The following CRISPLD2 variants were observed in gnomAD, a reference collection of about 807,000 sequenced individuals.
The protein encoded by CRISPLD2 is cysteine rich secretory protein LCCL domain containing 2, also known as cysteine-rich secretory protein LCCL domain-containing 2.
Under a neutral mutation model 71.1 loss-of-function variants are expected in CRISPLD2, and 47 were observed. The ratio of observed to expected loss-of-function variants is 0.66; its 90% CI spans 0.52 to 0.84. The LOEUF (loss-of-function observed/expected upper bound fraction) is 0.84. Ranked by LOEUF, CRISPLD2 falls within the 40% of genes least tolerant of loss-of-function variation. The pLI, the probability that CRISPLD2 is intolerant of heterozygous loss-of-function variation, is 0.00. For missense variants in CRISPLD2, 830 were observed against 651.1 expected, an observed-to-expected ratio of 1.27 and a Z score of -2.99; for synonymous variants, 317 against 250.1, an observed-to-expected ratio of 1.27 and a Z score of -2.52.
chr16:84,851,301 C>T (rs1435426505), intron 5 of CRISPLD2, among the ~76,000 whole-genome samples: 2 of 152,370 alleles, frequency 1.3e-5, no homozygotes, highest in East Asian at 1.9e-4. Flanking sequence ...ATAGCATGCT[C>T]AGCTCATCAG....
At chr16:84,887,075 T>C (rs2143338227) in intron 13 of CRISPLD2, among the ~76,000 whole-genome samples, 1 of 152,276 alleles carries the variant, frequency 6.6e-6, no homozygotes, top group East Asian at 1.9e-4. Context: ...CTCCACCATG[T>C]CTTGCTCTCT....
At chr16:84,872,232 C>G (rs1049576718) in intron 8 of CRISPLD2, among the ~76,000 whole-genome samples, 2 of 152,188 alleles carry the variant, frequency 1.3e-5, no homozygotes, top group East Asian at 1.9e-4. Flanking sequence ...GAACCAATCC[C>G]CCACGGATAC....
At chr16:84,829,611 T>G (rs1916438087) in intron 1 of CRISPLD2, among the ~76,000 whole-genome samples, 2 of 152,210 alleles carry the variant, frequency 1.3e-5, no homozygotes. Flanking sequence ...ACCATGGGTC[T>G]CAGCTGAGTG....
intron 14 of CRISPLD2, among the ~76,000 whole-genome samples, chr16:84,897,180 A>G (rs2071713603): frequency 6.6e-6 from 1 of 152,036 alleles, no homozygotes; most frequent in Non-Finnish European, 1.5e-5. Context: ...GCGGCGGCTC[A>G]TGCCTGTAAT....
intron 1 of CRISPLD2, chr16:84,829,370 A>G (rs943262434): frequency 6.6e-6 from 1 of 152,192 alleles, no homozygotes; most frequent in African/African-American, 2.4e-5. Context: ...CTCTAACGGG[A>G]TGTTCTGCTC....
At chr16:84,894,508 G>T (rs1325725108) in intron 14 of CRISPLD2, among the ~76,000 whole-genome samples, 1 of 152,146 alleles carries the variant, frequency 6.6e-6, no homozygotes, top group Non-Finnish European at 1.5e-5. Flanking sequence ...AGGGACTGGG[G>T]ACACTGCCGG....
intron 14 of CRISPLD2, among the ~76,000 whole-genome samples, chr16:84,893,468 T>C (rs1277864649): frequency 1.3e-5 from 2 of 152,164 alleles, no homozygotes; most frequent in Non-Finnish European, 2.9e-5. Flanking sequence ...CTTCCAACGC[T>C]CACTCCATGC....
In CRISPLD2 at chr16:84,871,071, GATAA is replaced by G. The variant is rs200227852; in HGVS notation, c.915-1363_915-1360del. On this transcript the variant is annotated intron_variant, in intron 8 of 14. Transcript: ENST00000262424. ...GACTCTGTCTCAAAAATTAAAAAATGATAAATAAATAGTTGGGATATGCTTGCAG... is the reference window on the plus strand; with the variant it reads ...GACTCTGTCTCAAAAATTAAAAAATGATAAATAGTTGGGATATGCTTGCAG... Among the ~76,000 whole-genome samples, 866 of 152,176 alleles carry G rather than the reference GATAA, an allele frequency of 5.7e-3. 11 individuals are homozygous for G. Among genetic ancestry groups the G allele is most frequent in the African/African-American group, 0.019 (777 of 41,508 alleles).
At chr16:84,882,093 C>T (rs1400583195) in intron 13 of CRISPLD2, among the ~76,000 whole-genome samples, 1 of 151,948 alleles carries the variant, frequency 6.6e-6, no homozygotes, top group Admixed American at 6.6e-5. Context: ...GAACCAAATT[C>T]TACCATTAAG....
chr16:84,867,943 T>C (rs570717375), intron 7 of CRISPLD2, among the ~76,000 whole-genome samples: 1 of 152,362 alleles, frequency 6.6e-6, no homozygotes, highest in Non-Finnish European at 1.5e-5. Context: ...GGAACTCATT[T>C]GCAGCCGCCG....
At chr16:84,874,596 G>A (rs1401561332) in intron 11 of CRISPLD2, among the ~76,000 whole-genome samples, 1 of 152,158 alleles carries the variant, frequency 6.6e-6, no homozygotes, top group Non-Finnish European at 1.5e-5. Context: ...CTTCCTCCCC[G>A]GAGCTCTGCC....
intron 1 of CRISPLD2, among the ~76,000 whole-genome samples, chr16:84,834,701 C>G (rs1916572909): frequency 6.6e-6 from 1 of 152,144 alleles, no homozygotes; most frequent in African/African-American, 2.4e-5. Flanking sequence ...ATTTAGATTC[C>G]CACAGTTCTG....
At position 84,845,810 on chromosome 16, in the gene CRISPLD2, T is replaced by C. The variant is rs754175411; in HGVS notation, c.265T>C (p.Ser89Pro). ...GACCTGGGATGACGAACTGGAGAAG[T>C]CTGCTGCAGCGTGGGCCAGTCAGTG... is the stretch of plus-strand genomic sequence containing the variant. ...YMTWDDELEK[S>P]AAAWASQCIW... Residue 89 changes from serine to proline, a missense_variant, in exon 3 of 15, where the codon TCT becomes CCT. Physicochemically the swap from Ser to Pro is moderately conservative, Grantham distance 74. Transcript: ENST00000262424. The C allele has an allele frequency of 2.5e-6, 4 of 1,613,570 alleles. No individual in the cohort carries two copies. Among genetic ancestry groups the C allele is most frequent in the African/African-American group, 2.7e-5 (2 of 74,910 alleles).
At chr16:84,830,172 A>G (rs1916453421) in intron 1 of CRISPLD2, among the ~76,000 whole-genome samples, 1 of 152,044 alleles carries the variant, frequency 6.6e-6, no homozygotes, top group Non-Finnish European at 1.5e-5. Flanking sequence ...TAAATACAAA[A>G]TTAGCTGTGC....
In CRISPLD2 at chr16:84,908,482, G is replaced by C. The variant is rs1034985393; in HGVS notation, c.*1840G>C. On this transcript the variant is annotated 3_prime_UTR_variant, in exon 15 of 15. Coordinates refer to ENST00000262424, the MANE Select transcript of CRISPLD2 (RefSeq NM_031476.4). The stretch of plus-strand genomic sequence containing the variant: ...CAAGATAAATTAGATCGCCCTGTGG[G>C]GTTTGCAGAATTAGTGAAGGGTCCA... The C allele has an allele frequency of 6.6e-6, 1 of 152,156 alleles. No homozygotes were observed. The highest frequency in any genetic ancestry group is 2.4e-5 in the African/African-American group (1 of 41,424). 9.4% of individuals were successfully genotyped at this position (152,156 alleles called of 1,614,324 possible). A position where few individuals can be genotyped will look rare whatever the true frequency, so the allele number is the denominator to read the frequency against.
chr16:84,849,896 T>G (rs932917212), intron 4 of CRISPLD2, among the ~76,000 whole-genome samples: 1 of 150,460 alleles, frequency 6.6e-6, no homozygotes, highest in Non-Finnish European at 1.5e-5. Context: ...TTTTGTATTT[T>G]TTTTTTTTTT....
chr16:84,874,002 G>A (rs368892376), intron 11 of CRISPLD2, 39 bp downstream of exon 11: 17 of 1,547,398 alleles, frequency 1.1e-5, no homozygotes, highest in African/African-American at 9.8e-5. Flanking sequence ...TAATACCTGG[G>A]TTATCTCAGA....
intron 12 of CRISPLD2, among the ~76,000 whole-genome samples, chr16:84,879,306 G>C (rs890061712): frequency 6.6e-6 from 1 of 151,636 alleles, no homozygotes; most frequent in African/African-American, 2.4e-5. Context: ...TTTCTGATCT[G>C]CCATTCCAAA....
At chr16:84,902,748 A>AT (rs2071766378) in intron 14 of CRISPLD2, among the ~76,000 whole-genome samples, 1 of 126,050 alleles carries the variant, frequency 7.9e-6, no homozygotes, top group Non-Finnish European at 1.6e-5. Context: ...TGTATCTCCT[A>AT]TTTTTTGGAA....
Sources: allele counts gnomAD v4.1 joint callset (sites outside exome capture counted in the v4.1 genomes callset), GRCh38; gene constraint gnomAD v4.1.1; transcripts MANE v1.5; gene names NCBI Gene and HGNC (gene_info 2026-07-23, HGNC 2026-07-21).